Variants in ITGB8 observed in about 807,000 individuals in gnomAD.
The protein encoded by ITGB8 is integrin beta-8.
ITGB8 carries 30 observed loss-of-function variants against 89.5 expected under a neutral mutation model. The ratio of observed to expected loss-of-function variants is 0.34; its 90% CI spans 0.25 to 0.45. ITGB8 has a LOEUF of 0.45. Ranked by LOEUF, ITGB8 falls within the 20% of genes least tolerant of loss-of-function variation. The probability of loss-of-function intolerance (pLI) is 1.00; values close to 1 mark genes in which losing one functional copy is unlikely to be tolerated. For missense variants in ITGB8, 836 were observed against 933.3 expected, an observed-to-expected ratio of 0.90 and a Z score of 1.36; for synonymous variants, 335 against 320.4, an observed-to-expected ratio of 1.05 and a Z score of -0.49.
At chr7:20,363,231 T>G (rs1785569883) in intron 1 of ITGB8, among the ~76,000 whole-genome samples, 1 of 152,172 alleles carries the variant, frequency 6.6e-6, no homozygotes, top group South Asian at 2.1e-4. Flanking sequence ...AAACAATAAT[T>G]TTTGTAGGAA....
At chr7:20,366,463 A>T (rs1387583153) in intron 2 of ITGB8, 1 of 152,254 alleles carries the variant, frequency 6.6e-6, no homozygotes, top group Non-Finnish European at 1.5e-5. Context: ...TGAAAATAAC[A>T]ACCAATAAAA....
intron 12 of ITGB8, among the ~76,000 whole-genome samples, chr7:20,406,600 T>G (rs1787555800): frequency 6.6e-6 from 1 of 152,088 alleles, no homozygotes; most frequent in African/African-American, 2.4e-5. Flanking sequence ...TATGAAACAT[T>G]GCTTTATTCT....
chr7:20,408,110 C>T (rs906337286), intron 12 of ITGB8, among the ~76,000 whole-genome samples: 1 of 152,204 alleles, frequency 6.6e-6, no homozygotes, highest in East Asian at 1.9e-4. Flanking sequence ...GGGATCAAGC[C>T]ACGTGCCCCC....
At chr7:20,393,640 C>T (rs373986588) in intron 7 of ITGB8, among the ~76,000 whole-genome samples, 92 of 152,314 alleles carry the variant, frequency 6.0e-4, no homozygotes, top group Middle Eastern at 6.8e-3. Context: ...CCTTGCCTTG[C>T]AGGGATGCTT....
Position 20,401,778 on chromosome 7 carries a change from T to G in ITGB8, c.1339T>G (p.Tyr447Asp). Residue 447 changes from tyrosine to aspartate, a missense_variant, in exon 10 of 14, where the codon TAT (tyrosine) becomes GAT (aspartate). This residue lies in a region of ITGB8 where 422 missense variants were observed against 416.9 expected (regional missense o/e 1.01). Coordinates refer to ENST00000222573, the MANE Select transcript of ITGB8 (RefSeq NM_002214.3). ...KKCDVTGGKN[Y>D]AIIKPIGFNE... ...ATGTGATGTCACAGGAGGAAAAAAC[T>G]ATGCAATAATCAAACCTATTGGTTT... The G allele has an allele frequency of 1.3e-6, 2 of 1,599,074 alleles. No homozygotes were observed. Among genetic ancestry groups the G allele is most frequent in the Non-Finnish European group, 1.7e-6 (2 of 1,176,040 alleles).
In ITGB8 at chr7:20,349,137, G is replaced by C. The variant is rs145126278; in HGVS notation, c.128-14500G>C. On this transcript the variant is annotated intron_variant, in intron 1 of 13. Coordinates refer to ENST00000222573, the MANE Select transcript of ITGB8 (RefSeq NM_002214.3). ...AAGATTATCTATCCTATAAGATACA[G>C]TTAACACATTTTATAATAATTCAGA... 1.2e-4 allele frequency among the ~76,000 whole-genome samples: 18 copies of C among 152,196 alleles called. No individual in the cohort carries two copies. In the East Asian group the frequency reaches 2.7e-3, roughly 23 times the overall value.
At position 20,409,975 on chromosome 7, in the gene ITGB8, A is replaced by T. The variant is rs1787701719; in HGVS notation, c.2288A>T (p.Glu763Val). Reference protein sequence around the residue: ...KMDISKLNAHETFRCNF With the variant: ...KMDISKLNAHVTFRCNF ...GATATCAGCAAATTAAATGCTCATG[A>T]AACTTTCAGGTGCAACTTCTAAAAA... The change falls in exon 14 of 14, where the codon GAA (glutamate) becomes GTA (valine). Residue 763 changes from glutamate (E) to valine (V), a missense_variant. Transcript: ENST00000222573. 1 of 1,611,846 alleles carries T rather than the reference A, an allele frequency of 6.2e-7. No individual in the cohort carries two copies. The highest frequency in any genetic ancestry group is 1.1e-5 in the South Asian group (1 of 90,226).
chr7:20,405,774 TTCTAA>T (rs528805418), intron 11 of ITGB8, among the ~76,000 whole-genome samples: 73 of 152,344 alleles, frequency 4.8e-4, no homozygotes, highest in African/African-American at 1.7e-3. Flanking sequence ...GCACAAAGAC[TTCTAA>T]TCTAAACACT....
chr7:20,378,349 G>A (rs1271289313), intron 3 of ITGB8, among the ~76,000 whole-genome samples: 4 of 152,168 alleles, frequency 2.6e-5, no homozygotes, highest in African/African-American at 4.8e-5. Context: ...AACACCTACC[G>A]TGTGTTGGAC....
In ITGB8 at chr7:20,401,800, G is replaced by C; in HGVS notation, c.1361G>C (p.Gly454Ala). Residue 454 changes from glycine (G) to alanine (A), a missense_variant, in exon 10 of 14, where the codon GGT becomes GCT. Gly to Ala is a moderately conservative substitution (Grantham distance 60). Transcript: ENST00000222573. ...AACTATGCAATAATCAAACCTATTG[G>C]TTTTAATGAAACCGCTAAAATTCAT... ...GKNYAIIKPIGFNETAKIHIH... is the reference protein window; with the variant it reads ...GKNYAIIKPIAFNETAKIHIH... 1 of 1,612,574 alleles carries C rather than the reference G, an allele frequency of 6.2e-7. No individual in the cohort carries two copies. Among genetic ancestry groups the C allele is most frequent in the Non-Finnish European group, 8.5e-7 (1 of 1,179,654 alleles).
intron 11 of ITGB8, 68 bp downstream of exon 11, chr7:20,404,921 C>T: frequency 7.4e-7 from 1 of 1,354,906 alleles, no homozygotes; most frequent in Non-Finnish European, 1.1e-6. Flanking sequence ...TTCTGACTTC[C>T]TTAATCTTAA....
At position 20,413,194 on chromosome 7, in the gene ITGB8, A is replaced by T. The variant is rs779390690; in HGVS notation, c.*3197A>T. On this transcript the variant is annotated 3_prime_UTR_variant, in exon 14 of 14. Transcript: ENST00000222573. ...TGGAGGACTTAAAAATTCACTAAAAATCTGATTATGTCTTAAATGTTCAGT... is the reference window on the plus strand; with the variant it reads ...TGGAGGACTTAAAAATTCACTAAAATTCTGATTATGTCTTAAATGTTCAGT... 1.3e-5 allele frequency: 2 copies of T among 152,312 alleles called. No individual in the cohort carries two copies. The highest frequency in any genetic ancestry group is 3.9e-4 in the East Asian group (2 of 5,184). 9.4% of individuals were successfully genotyped at this position (152,312 alleles called of 1,614,324 possible).
At chr7:20,354,911 C>T (rs1049370891) in intron 1 of ITGB8, among the ~76,000 whole-genome samples, 3 of 152,182 alleles carry the variant, frequency 2.0e-5, no homozygotes, top group Admixed American at 2.0e-4. Flanking sequence ...TAGTTAAGAA[C>T]AGGCAGGCAA....
intron 1 of ITGB8, chr7:20,346,780 C>T: frequency 2.0e-6 from 2 of 985,308 alleles, no homozygotes; most frequent in Non-Finnish European, 2.4e-6. Context: ...GAAGGGGGCT[C>T]CACAGGCAGA....
At chr7:20,387,154 A>C (rs1786658751) in intron 6 of ITGB8, among the ~76,000 whole-genome samples, 1 of 152,210 alleles carries the variant, frequency 6.6e-6, no homozygotes, top group African/African-American at 2.4e-5. Flanking sequence ...TTGTCTCTTT[A>C]TGTTCAGTTA....
At chr7:20,403,399 G>T (rs141994917) in intron 10 of ITGB8, among the ~76,000 whole-genome samples, 1 of 152,128 alleles carries the variant, frequency 6.6e-6, no homozygotes, top group African/African-American at 2.4e-5. Flanking sequence ...GTGAAATATC[G>T]AATGTACTAG....
intron 1 of ITGB8, among the ~76,000 whole-genome samples, chr7:20,338,490 G>A (rs771335487): frequency 1.3e-5 from 2 of 151,942 alleles, no homozygotes; most frequent in African/African-American, 2.4e-5. Context: ...AAAATTAGCG[G>A]GGCATGGCAG....
At chr7:20,406,006 T>G (rs1037082270) in intron 11 of ITGB8, 56 bp from the exon 12 acceptor site, 6 of 1,041,486 alleles carry the variant, frequency 5.8e-6, no homozygotes, top group Non-Finnish European at 9.0e-6. Context: ...CAGAAAATAT[T>G]ATAGTCCACC....
At chr7:20,363,052 C>T (rs537144873) in intron 1 of ITGB8, among the ~76,000 whole-genome samples, 16 of 152,280 alleles carry the variant, frequency 1.1e-4, no homozygotes, top group Non-Finnish European at 2.1e-4. Context: ...TTCTAAAATA[C>T]TAAATCATGC....
Sources: gnomAD v4.1 joint callset for allele counts (sites outside exome capture counted in the v4.1 genomes callset) on GRCh38, gnomAD v4.1.1 for gene constraint, gnomAD v4.1.1 regional missense constraint, MANE v1.5 for transcripts, NCBI Gene and HGNC (gene_info 2026-07-23, HGNC 2026-07-21) for gene names.